Variants in JMJD1C observed in about 807,000 individuals in gnomAD.
JMJD1C encodes the protein jumonji domain containing 1C.
In JMJD1C, 31 loss-of-function variants were observed where a neutral mutation model predicts 245.3. The observed-to-expected ratio is 0.13, with a 90% CI of 0.09 to 0.17. The LOEUF (loss-of-function observed/expected upper bound fraction) is 0.17, where lower values mean the gene tolerates loss of function less well. Among genes scored for constraint, JMJD1C ranks in the 10% least tolerant of loss-of-function variants. The pLI is 1.00. For missense variants in JMJD1C, 2,691 were observed against 3,000.2 expected (o/e 0.90, Z 2.41); for synonymous variants, 1,057 against 1,017.4 (o/e 1.04, Z -0.74).
chr10:63,291,346 G>A (rs568513852), intron 2 of JMJD1C, among the ~76,000 whole-genome samples: 2 of 149,008 alleles, frequency 1.3e-5, no homozygotes, highest in South Asian at 4.2e-4. Flanking sequence ...GCTGGGCGAG[G>A]TGGCTCACGC....
At chr10:63,203,237 A>C in intron 10 of JMJD1C, 1 of 982,554 alleles carries the variant, frequency 1.0e-6, no homozygotes, top group Non-Finnish European at 1.2e-6. Flanking sequence ...TACAATAAAT[A>C]AAACTTCATC....
intron 13 of JMJD1C, 47 bp downstream of exon 13, chr10:63,197,364 A>C: frequency 6.7e-7 from 1 of 1,500,372 alleles, no homozygotes. Flanking sequence ...AGTGATCCTA[A>C]AGAAAAATTA....
chr10:63,303,185 T>C (rs1163174033), intron 2 of JMJD1C, among the ~76,000 whole-genome samples: 1 of 152,252 alleles, frequency 6.6e-6, no homozygotes, highest in African/African-American at 2.4e-5. Flanking sequence ...TTAAAACTCT[T>C]TGCATCTAAG....
chr10:63,389,679 A>C (rs1438824281), intron 1 of JMJD1C, among the ~76,000 whole-genome samples: 2 of 152,132 alleles, frequency 1.3e-5, no homozygotes, highest in Non-Finnish European at 2.9e-5. Flanking sequence ...ATTTTTAAAA[A>C]TTAGAATTGT....
intron 3 of JMJD1C, among the ~76,000 whole-genome samples, chr10:63,221,341 A>ACT (rs1412594527): frequency 6.6e-6 from 1 of 152,090 alleles, no homozygotes; most frequent in African/African-American, 2.4e-5. Context: ...TTAAGGCACT[A>ACT]CTCTGTATTT....
Position 63,492,636 on chromosome 10 carries a change from C to T in JMJD1C, n.113+29102G>A, listed in dbSNP as rs1219199319. ...TGGCAGTAAGCCAAGATTGCGAACA[C>T]TGCACTCCAGCCTGGCTGACAGAGT... On this transcript the variant is annotated intron_variant and non_coding_transcript_variant, in intron 1 of 3. Transcript: ENST00000633035. Among the ~76,000 whole-genome samples the T allele has an allele frequency of 2.0e-5, 3 of 152,048 alleles. No homozygotes were observed. In the East Asian group the frequency reaches 5.8e-4, roughly 29 times the overall value.
intron 3 of JMJD1C, among the ~76,000 whole-genome samples, chr10:63,243,126 A>ATATATATATATAT (rs1564669004): frequency 1.6e-4 from 7 of 42,978 alleles, no homozygotes; most frequent in Non-Finnish European, 2.8e-4. Context: ...TATATATATA[A>ATATATATATATAT]ATATATATAT....
chr10:63,253,465 C>A (rs1403354408), intron 3 of JMJD1C, among the ~76,000 whole-genome samples: 1 of 151,950 alleles, frequency 6.6e-6, no homozygotes, highest in Non-Finnish European at 1.5e-5. Flanking sequence ...CTCACTGCAA[C>A]CTCTGCCTCC....
chr10:63,283,903 A>T (rs568592814), intron 2 of JMJD1C, among the ~76,000 whole-genome samples: 1 of 152,340 alleles, frequency 6.6e-6, no homozygotes, highest in East Asian at 1.9e-4. Context: ...TGACAATAAG[A>T]AAAGCAAAAT....
chr10:63,349,082 C>T (rs1397568894), intron 2 of JMJD1C, among the ~76,000 whole-genome samples: 1 of 109,460 alleles, frequency 9.1e-6, no homozygotes, highest in Non-Finnish European at 1.7e-5. Flanking sequence ...GCCTGGGTGA[C>T]AGAGTGAGAC....
chr10:63,352,268 A>T (rs1295886618), intron 2 of JMJD1C, among the ~76,000 whole-genome samples: 1 of 152,230 alleles, frequency 6.6e-6, no homozygotes, highest in African/African-American at 2.4e-5. Flanking sequence ...TTCTAAAAAT[A>T]AAAGACTAAT....
At chr10:63,510,650 A>T (rs1471057877) in intron 1 of JMJD1C, among the ~76,000 whole-genome samples, 2 of 152,166 alleles carry the variant, frequency 1.3e-5, no homozygotes, top group African/African-American at 4.8e-5. Context: ...TAAGCTTGAG[A>T]AGAATGTGTA....
At chr10:63,336,089 C>T (rs1165940062) in intron 2 of JMJD1C, among the ~76,000 whole-genome samples, 2 of 151,974 alleles carry the variant, frequency 1.3e-5, no homozygotes, top group Non-Finnish European at 2.9e-5. Flanking sequence ...CCACTGCACT[C>T]CAGCCTGAGT....
chr10:63,455,137 T>C (rs534614429), intron 1 of JMJD1C, among the ~76,000 whole-genome samples: 3 of 152,222 alleles, frequency 2.0e-5, no homozygotes, highest in Non-Finnish European at 4.4e-5. Context: ...TTAAAAGAGA[T>C]GCAGATTAAA....
chr10:63,388,364 G>A lies in JMJD1C; in HGVS notation c.169-7882C>T, dbSNP rs146307862. 3.3e-3 allele frequency among the ~76,000 whole-genome samples: 496 copies of A among 149,184 alleles called. 2 individuals are homozygous for A. Among genetic ancestry groups the A allele is most frequent in the African/African-American group, 0.012 (474 of 40,974 alleles). On this transcript the variant is annotated intron_variant, in intron 1 of 25. Coordinates refer to ENST00000399262, the MANE Select transcript of JMJD1C (RefSeq NM_032776.3). ...GCTGAAGGAGAAAAAAAAAAAAGCC[G>A]AATATACTATACCAAACAATGTTAT...
chr10:63,280,593 A>G (rs1228443500), intron 2 of JMJD1C, among the ~76,000 whole-genome samples: 1 of 152,152 alleles, frequency 6.6e-6, no homozygotes, highest in Non-Finnish European at 1.5e-5. Context: ...AGTCGTCACT[A>G]TAAGGAATAT....
chr10:63,220,694 T>TTCTC (rs371157211), intron 3 of JMJD1C, among the ~76,000 whole-genome samples: 16 of 151,008 alleles, frequency 1.1e-4, no homozygotes, highest in South Asian at 8.4e-4. Flanking sequence ...TGATATTCTG[T>TTCTC]TCTCTCTCTC....
chr10:63,475,761 C>T (rs1452801106), intron 1 of JMJD1C, among the ~76,000 whole-genome samples: 1 of 152,172 alleles, frequency 6.6e-6, no homozygotes, highest in Non-Finnish European at 1.5e-5. Flanking sequence ...TAAGAGCATT[C>T]GACTACTAGA....
intron 9 of JMJD1C, 51 bp from the exon 10 acceptor site, chr10:63,208,852 A>G (rs1846975626): frequency 7.1e-7 from 1 of 1,410,730 alleles, no homozygotes; most frequent in Non-Finnish European, 9.6e-7. Flanking sequence ...CCTGCAAAAT[A>G]CAAAGACAGC....
Sources: gnomAD v4.1 joint callset for allele counts (sites outside exome capture counted in the v4.1 genomes callset) on GRCh38, gnomAD v4.1.1 for gene constraint, MANE v1.5 for transcripts, NCBI Gene and HGNC (gene_info 2026-07-23, HGNC 2026-07-21) for gene names.